The following B3GALT5 variants were observed in gnomAD, a reference collection of about 807,000 sequenced individuals.
The protein encoded by B3GALT5 is beta-1,3-galactosyltransferase 5.
For missense variants in B3GALT5, 328 were observed against 396.6 expected (o/e 0.83, Z 1.47); for synonymous variants, 156 against 158.6 (o/e 0.98, Z 0.12).
chr21:39,629,735 A>T (rs2123695029), intron 1 of B3GALT5, among the ~76,000 whole-genome samples: 1 of 152,184 alleles, frequency 6.6e-6, no homozygotes, highest in South Asian at 2.1e-4. Context: ...TTTTCCTTTG[A>T]CCTCATAGTT....
rs1443599274 is a variant in B3GALT5 at position 39,666,966 on chromosome 21, C to G, written c.*5474C>G. 2 of 152,226 alleles carry G rather than the reference C, an allele frequency of 1.3e-5. No individual in the cohort carries two copies. Among genetic ancestry groups the G allele is most frequent in the Non-Finnish European group, 2.9e-5 (2 of 68,050 alleles). The allele number at this position is 152,226 out of a possible 1,614,324, so 9.4% of individuals were successfully genotyped here. A position where few individuals can be genotyped will look rare whatever the true frequency, so the allele number is the denominator to read the frequency against. On this transcript the variant is annotated 3_prime_UTR_variant, in exon 4 of 4. Coordinates refer to ENST00000684187, the MANE Select transcript of B3GALT5 (RefSeq NM_001356336.2). ...ACTTTCCAATCTGTCCTCCACTTGA[C>G]ATTTGGAGTAATTTTTTAAAACAGC...
chr21:39,660,536 A>G (rs757389266), intron 3 of B3GALT5, 24 bp from the exon 4 acceptor site: 6 of 1,410,474 alleles, frequency 4.3e-6, no homozygotes, highest in Non-Finnish European at 5.6e-6. Flanking sequence ...TTGAGGTCTA[A>G]TCATTGGATT....
At chr21:39,621,472 A>G (rs990717770) in intron 1 of B3GALT5, among the ~76,000 whole-genome samples, 1 of 151,430 alleles carries the variant, frequency 6.6e-6, no homozygotes, top group African/African-American at 2.4e-5. Flanking sequence ...CTTGCACAAA[A>G]AGGTTTTTTT....
chr21:39,659,732 CTCTTT>C lies in B3GALT5; in HGVS notation c.-160-19_-160-15del. 7 of 979,968 alleles carry C rather than the reference CTCTTT, an allele frequency of 7.1e-6. No individual in the cohort carries two copies. Among genetic ancestry groups the C allele is most frequent in the Non-Finnish European group, 8.5e-6 (7 of 825,550 alleles). The allele number at this position is 979,968 out of a possible 1,614,324, so 60.7% of individuals were successfully genotyped here. A position where few individuals can be genotyped will look rare whatever the true frequency, so the allele number is the denominator to read the frequency against. On this transcript the variant is annotated splice_polypyrimidine_tract_variant and intron_variant, in intron 2 of 3. Coordinates refer to ENST00000684187, the MANE Select transcript of B3GALT5 (RefSeq NM_001356336.2). Reference sequence around the variant, plus strand: ...TAAGGCACGAGTGATTTGAATGACACTCTTTTTTTTTTTTTCCTAGTGATTCCTGT... The same window carrying C: ...TAAGGCACGAGTGATTTGAATGACACTTTTTTTTTTCCTAGTGATTCCTGT...
chr21:39,618,525 AT>A (rs2079118479), intron 1 of B3GALT5, among the ~76,000 whole-genome samples: 1 of 152,088 alleles, frequency 6.6e-6, no homozygotes, highest in African/African-American at 2.4e-5. Flanking sequence ...TTTAAGATGC[AT>A]TTTCCTGATT....
At chr21:39,651,465 A>T (rs1393528537) in intron 2 of B3GALT5, among the ~76,000 whole-genome samples, 1 of 152,118 alleles carries the variant, frequency 6.6e-6, no homozygotes, top group Non-Finnish European at 1.5e-5. Context: ...CTTCCTCTTC[A>T]CACTGTGTTT....
At chr21:39,638,623 CCT>C (rs1367403140) in intron 1 of B3GALT5, among the ~76,000 whole-genome samples, 2 of 152,184 alleles carry the variant, frequency 1.3e-5, no homozygotes, top group African/African-American at 4.8e-5. Flanking sequence ...TACAGAAAGC[CCT>C]CTGTCCTTGA....
intron 1 of B3GALT5, among the ~76,000 whole-genome samples, chr21:39,637,608 T>C (rs1196038220): frequency 6.6e-6 from 1 of 152,232 alleles, no homozygotes; most frequent in Non-Finnish European, 1.5e-5. Flanking sequence ...GCTTCTTTCC[T>C]GGGAACACCT....
At chr21:39,637,732 A>T (rs1481966103) in intron 1 of B3GALT5, among the ~76,000 whole-genome samples, 1 of 152,218 alleles carries the variant, frequency 6.6e-6, no homozygotes, top group Non-Finnish European at 1.5e-5. Flanking sequence ...CAGGATTCAG[A>T]GGTGCTAGAG....
Position 39,666,472 on chromosome 21 carries a change from T to A in B3GALT5, c.*4980T>A, listed in dbSNP as rs1168872168. The stretch of plus-strand genomic sequence containing the variant: ...CACCAACCAGCTAATTTTTGTATTG[T>A]TAGTAGAGACGGGGTTTCACCATGT... On this transcript the variant is annotated 3_prime_UTR_variant, in exon 4 of 4. Transcript: ENST00000684187. The A allele has an allele frequency of 6.6e-6, 1 of 152,240 alleles. No individual in the cohort carries two copies. Among genetic ancestry groups the A allele is most frequent in the Non-Finnish European group, 1.5e-5 (1 of 68,110 alleles). The allele number at this position is 152,240 out of a possible 1,614,324, so 9.4% of individuals were successfully genotyped here. A position where few individuals can be genotyped will look rare whatever the true frequency, so the allele number is the denominator to read the frequency against.
chr21:39,641,665 T>G (rs1051262015), intron 1 of B3GALT5, among the ~76,000 whole-genome samples: 1 of 152,212 alleles, frequency 6.6e-6, no homozygotes, highest in Non-Finnish European at 1.5e-5. Flanking sequence ...TACCCACTGG[T>G]TCTTGTTCTA....
rs776567576 is a variant in B3GALT5 at position 39,661,029 on chromosome 21, C to T, written c.470C>T (p.Ser157Leu). The stretch of plus-strand genomic sequence containing the variant: ...GCGGCGTTTGTGATGAAAACAGACT[C>T]AGACATGTTCATCAATGTTGACTAT... ...PQAAFVMKTD[S>L]DMFINVDYLT... Residue 157 changes from serine (S) to leucine (L), a missense_variant, in exon 4 of 4, where the codon TCA becomes TTA. Ser to Leu is a moderately radical substitution (Grantham distance 145, BLOSUM62 -2). Transcript: ENST00000684187. The surrounding 1 kb of genome is among the most constrained non-coding windows in gnomAD (Gnocchi z 4.7). The T allele has an allele frequency of 1.9e-6, 3 of 1,614,084 alleles. No homozygotes were observed. The South Asian group carries it at 3.3e-5, about 18-fold the overall frequency.
At chr21:39,660,397 C>G (rs1047412020) in intron 3 of B3GALT5, among the ~76,000 whole-genome samples, 163 bp from the exon 4 acceptor site, 15 of 152,166 alleles carry the variant, frequency 9.9e-5, no homozygotes, top group Admixed American at 1.3e-4. Flanking sequence ...GATGTTAGAC[C>G]TTTGTGCTTA....
chr21:39,642,701 G>A (rs2079299719), intron 1 of B3GALT5, among the ~76,000 whole-genome samples: 2 of 152,126 alleles, frequency 1.3e-5, no homozygotes, highest in South Asian at 4.1e-4. Flanking sequence ...TGGAGGAAGT[G>A]GGATAATTTT....
chr21:39,642,949 G>A (rs2079302638), intron 1 of B3GALT5, among the ~76,000 whole-genome samples: 1 of 152,112 alleles, frequency 6.6e-6, no homozygotes, highest in African/African-American at 2.4e-5. Flanking sequence ...CTACTTGGGA[G>A]GCTGAGGCAG....
chr21:39,655,629 G>A (rs1220460985), intron 2 of B3GALT5, among the ~76,000 whole-genome samples: 1 of 152,122 alleles, frequency 6.6e-6, no homozygotes, highest in Non-Finnish European at 1.5e-5. Flanking sequence ...CAATTGGGGT[G>A]GGGGGCATTC....
rs1435594069 is a variant in B3GALT5 at position 39,663,237 on chromosome 21, A to G, written c.*1745A>G. 5 of 152,354 alleles carry G rather than the reference A, an allele frequency of 3.3e-5. No individual in the cohort carries two copies. The highest frequency in any genetic ancestry group is 9.7e-5 in the African/African-American group (4 of 41,428). 9.4% of individuals were successfully genotyped at this position (152,354 alleles called of 1,614,324 possible). A position where few individuals can be genotyped will look rare whatever the true frequency, so the allele number is the denominator to read the frequency against. On this transcript the variant is annotated 3_prime_UTR_variant, in exon 4 of 4. Transcript: ENST00000684187. ...GGCCTGCGTCTGTGTTTCGTGGTCT[A>G]CCTTGTCAGGTGTGTGTCTGTGTGG...
intron 1 of B3GALT5, among the ~76,000 whole-genome samples, chr21:39,625,449 C>T (rs537618523): frequency 3.3e-5 from 5 of 152,294 alleles, no homozygotes; most frequent in South Asian, 4.2e-4. Flanking sequence ...GAATTCTTTT[C>T]GCCTCACCTA....
At chr21:39,626,446 G>T (rs533246534) in intron 1 of B3GALT5, among the ~76,000 whole-genome samples, 18 of 152,224 alleles carry the variant, frequency 1.2e-4, no homozygotes, top group Middle Eastern at 3.4e-3. Context: ...CATATGCATG[G>T]GAGTGGAATT....
Sources: gnomAD v4.1 joint callset for allele counts (sites outside exome capture counted in the v4.1 genomes callset) on GRCh38, gnomAD v4.1.1 for gene constraint, Gnocchi (gnomAD v3.1) non-coding constraint, MANE v1.5 for transcripts, NCBI Gene and HGNC (gene_info 2026-07-23, HGNC 2026-07-21) for gene names.